The following MARCHF3 variants were observed in gnomAD, a reference collection of about 807,000 sequenced individuals.
MARCHF3 encodes membrane associated ring-CH-type finger 3, also known as E3 ubiquitin-protein ligase MARCHF3.
In MARCHF3, 13 loss-of-function variants were observed where a neutral mutation model predicts 24.2. That is an observed-to-expected ratio of 0.54 (90% CI 0.35 to 0.85). MARCHF3 has a LOEUF of 0.85. MARCHF3 is among the 40% of genes least tolerant of loss of function. MARCHF3 has a pLI of 0.01. For synonymous variants in MARCHF3, 144 were observed against 137.3 expected (o/e 1.05, Z -0.34); for missense variants, 276 against 325.0 (o/e 0.85, Z 1.16).
At chr5:127,002,058 G>C (rs907520892) in intron 1 of MARCHF3, among the ~76,000 whole-genome samples, 1 of 152,202 alleles carries the variant, frequency 6.6e-6, no homozygotes, top group South Asian at 2.1e-4. Flanking sequence ...AACAGAGTAA[G>C]ACCAAGGATG....
chr5:126,895,085 C>T (rs1168758384), intron 3 of MARCHF3, among the ~76,000 whole-genome samples: 2 of 152,088 alleles, frequency 1.3e-5, no homozygotes. Context: ...GATGCCCTTT[C>T]TTCCAGTTGA....
intron 1 of MARCHF3, among the ~76,000 whole-genome samples, chr5:127,010,360 A>C (rs1045746690): frequency 4.6e-5 from 7 of 151,982 alleles, no homozygotes; most frequent in African/African-American, 1.7e-4. Flanking sequence ...ACACTCCTGG[A>C]TATTTTCCAG....
At chr5:126,963,356 T>C (rs576009437) in intron 1 of MARCHF3, among the ~76,000 whole-genome samples, 4 of 152,280 alleles carry the variant, frequency 2.6e-5, no homozygotes, top group African/African-American at 9.6e-5. Context: ...TTGTTATTTT[T>C]GTAGGAAAAA....
chr5:126,926,337 G>A (rs555627697), intron 1 of MARCHF3, among the ~76,000 whole-genome samples: 95 of 152,242 alleles, frequency 6.2e-4, no homozygotes, highest in African/African-American at 2.2e-3. Flanking sequence ...CAGGTAGGCT[G>A]GGCCTCCCTG....
chr5:126,961,646 G>A (rs1401640842), intron 1 of MARCHF3, among the ~76,000 whole-genome samples: 1 of 152,120 alleles, frequency 6.6e-6, no homozygotes, highest in African/African-American at 2.4e-5. Flanking sequence ...TCGCAATGTA[G>A]TCTGCCCTGG....
Position 126,933,514 on chromosome 5 carries a change from G to A in MARCHF3, c.-56-15287C>T, listed in dbSNP as rs186416615. Among the ~76,000 whole-genome samples the A allele has an allele frequency of 8.3e-3, 1,252 of 149,974 alleles. 25 individuals carry two copies. The highest frequency in any genetic ancestry group is 0.029 in the African/African-American group (1,162 of 40,628). ...GGCTGGAATGCAGTGGTGCGATCTC[G>A]GCTCACTGCAAGCTCCGCCTCCTGG... On this transcript the variant is annotated intron_variant, in intron 1 of 4. Coordinates refer to ENST00000308660, the MANE Select transcript of MARCHF3 (RefSeq NM_178450.5).
In MARCHF3 at chr5:126,868,447, G is replaced by C. The variant is rs1467807526; in HGVS notation, c.*2186C>G. On this transcript the variant is annotated 3_prime_UTR_variant, in exon 5 of 5. Transcript: ENST00000308660. ...CTTCACAGGGCAGGGATGCAAACAC[G>C]AAGGAAAGAGGTGTGGCACAGGCAC... 6.6e-6 allele frequency: 1 copy of C among 152,236 alleles called. No individual in the cohort carries two copies. The highest frequency in any genetic ancestry group is 1.5e-5 in the Non-Finnish European group (1 of 68,068). 9.4% of individuals were successfully genotyped at this position (152,236 alleles called of 1,614,324 possible).
chr5:126,920,070 C>T (rs569494261), intron 1 of MARCHF3, among the ~76,000 whole-genome samples: 11 of 152,190 alleles, frequency 7.2e-5, no homozygotes, highest in African/African-American at 1.9e-4. Context: ...AATTAGTATA[C>T]GGTATGTTAT....
chr5:126,875,222 G>T (rs946039542), intron 4 of MARCHF3, among the ~76,000 whole-genome samples: 1 of 152,214 alleles, frequency 6.6e-6, no homozygotes, highest in Non-Finnish European at 1.5e-5. Context: ...CTCTTAGGGT[G>T]GAGCTGACCA....
At chr5:126,940,996 T>C (rs1010744388) in intron 1 of MARCHF3, among the ~76,000 whole-genome samples, 5 of 152,192 alleles carry the variant, frequency 3.3e-5, no homozygotes, top group African/African-American at 1.2e-4. Context: ...TTTTGTTTTT[T>C]AAGTAAATGG....
At chr5:126,938,710 A>AT (rs1246401507) in intron 1 of MARCHF3, among the ~76,000 whole-genome samples, 2 of 152,088 alleles carry the variant, frequency 1.3e-5, no homozygotes, top group Non-Finnish European at 2.9e-5. Context: ...CAATGATTTA[A>AT]TTTTTCCCCC....
intron 3 of MARCHF3, among the ~76,000 whole-genome samples, chr5:126,895,842 A>T (rs961257994): frequency 4.6e-5 from 7 of 152,256 alleles, no homozygotes; most frequent in Admixed American, 2.0e-4. Flanking sequence ...GGCTCCACCC[A>T]GTTGGAGCTT....
intron 1 of MARCHF3, among the ~76,000 whole-genome samples, chr5:126,940,990 G>C (rs1242425837): frequency 6.6e-6 from 1 of 151,974 alleles, no homozygotes; most frequent in Non-Finnish European, 1.5e-5. Context: ...AATGCTTTTT[G>C]TTTTTTAAGT....
chr5:126,906,602 C>T (rs1167168786), intron 3 of MARCHF3, among the ~76,000 whole-genome samples: 3 of 152,156 alleles, frequency 2.0e-5, no homozygotes, highest in South Asian at 2.1e-4. Context: ...AGTTTATTTG[C>T]GTAGAGGTGT....
At chr5:127,009,597 A>G (rs1026433428) in intron 1 of MARCHF3, among the ~76,000 whole-genome samples, 10 of 152,176 alleles carry the variant, frequency 6.6e-5, no homozygotes, top group African/African-American at 2.4e-4. Flanking sequence ...AACTGTGTGA[A>G]TCCCAACTGG....
chr5:126,915,326 C>T (rs1177677595), intron 2 of MARCHF3, among the ~76,000 whole-genome samples, 192 bp from the exon 3 acceptor site: 1 of 152,188 alleles, frequency 6.6e-6, no homozygotes, highest in Non-Finnish European at 1.5e-5. Flanking sequence ...CTACTTGTGA[C>T]AACACAAAGA....
intron 3 of MARCHF3, 155 bp downstream of exon 3, chr5:126,914,775 C>CACACAT (rs1554065050): frequency 1.6e-6 from 1 of 628,438 alleles, no homozygotes; most frequent in East Asian, 2.8e-5. Context: ...CAAACACACA[C>CACACAT]ACACACACAC....
intron 1 of MARCHF3, among the ~76,000 whole-genome samples, chr5:126,970,351 G>A (rs189716193): frequency 6.6e-6 from 1 of 152,192 alleles, no homozygotes; most frequent in Non-Finnish European, 1.5e-5. Flanking sequence ...GCCTCCCAAC[G>A]TGCTGGGATT....
intron 3 of MARCHF3, among the ~76,000 whole-genome samples, chr5:126,897,149 C>T (rs993132487): frequency 6.6e-6 from 1 of 151,204 alleles, no homozygotes; most frequent in African/African-American, 2.4e-5. Flanking sequence ...AAGCGATTCT[C>T]CTGTCTCAGC....
Sources: gnomAD v4.1 joint callset for allele counts (sites outside exome capture counted in the v4.1 genomes callset) on GRCh38, gnomAD v4.1.1 for gene constraint, MANE v1.5 for transcripts, NCBI Gene and HGNC (gene_info 2026-07-23, HGNC 2026-07-21) for gene names.